RANBP3: variants seen among roughly 807,000 people sequenced by gnomAD.
RANBP3 encodes RAN binding protein 3.
RANBP3 carries 14 observed loss-of-function variants against 77.3 expected under a neutral mutation model. The observed-to-expected ratio is 0.18, with a 90% CI of 0.12 to 0.28. The LOEUF (loss-of-function observed/expected upper bound fraction) is 0.28, where lower values mean the gene tolerates loss of function less well. RANBP3 is among the 10% of genes least tolerant of loss of function. The pLI, the probability that RANBP3 is intolerant of heterozygous loss-of-function variation, is 1.00. For synonymous variants in RANBP3, 315 were observed against 312.4 expected (o/e 1.01, Z -0.09); for missense variants, 586 against 752.3 (o/e 0.78, Z 2.59).
At chr19:5,932,200 CCACA>C (rs1311180838) in intron 7 of RANBP3, among the ~76,000 whole-genome samples, 2 of 152,214 alleles carry the variant, frequency 1.3e-5, no homozygotes, top group Non-Finnish European at 2.9e-5. Flanking sequence ...CAGGTTTCAC[CCACA>C]CAGTCACACT....
Position 5,935,729 on chromosome 19 carries a change from C to T in RANBP3, c.407-2250G>A, listed in dbSNP as rs369746125. Reference sequence around the variant, plus strand: ...CAGAGCGTGGCCCTCTCCAGAGCTGCAGACAGACAAGGCGTGCTCCAGGGG... The same window carrying T: ...CAGAGCGTGGCCCTCTCCAGAGCTGTAGACAGACAAGGCGTGCTCCAGGGG... On this transcript the variant is annotated intron_variant, in intron 5 of 16. Coordinates refer to ENST00000340578, the MANE Select transcript of RANBP3 (RefSeq NM_007322.3). The T allele has an allele frequency of 9.8e-4, 448 of 456,772 alleles. 5 individuals are homozygous for T. Among genetic ancestry groups the T allele is most frequent in the South Asian group, 5.5e-3 (358 of 64,574 alleles). The allele number at this position is 456,772 out of a possible 1,614,324, so 28.3% of individuals were successfully genotyped here. A position where few individuals can be genotyped will look rare whatever the true frequency, so the allele number is the denominator to read the frequency against.
At chr19:5,928,498 C>T (rs1027616277) in intron 8 of RANBP3, 1 of 158,802 alleles carries the variant, frequency 6.3e-6, no homozygotes, top group Non-Finnish European at 1.4e-5. Flanking sequence ...GACATGCCCA[C>T]AATACATGGA....
chr19:5,921,333 T>C lies in RANBP3; in HGVS notation c.1210-12A>G. 6.2e-7 allele frequency: 1 copy of C among 1,612,738 alleles called. No homozygotes were observed. The highest frequency in any genetic ancestry group is 8.5e-7 in the Non-Finnish European group (1 of 1,179,464). On this transcript the variant is annotated splice_polypyrimidine_tract_variant and intron_variant, in intron 13 of 16. Transcript: ENST00000340578. The surrounding 1 kb of genome is among the most constrained non-coding windows in gnomAD (Gnocchi z 5.3). ...AGCTTGCACTGCATCTGGAACACAG[T>C]GGCCGCCGGTAAGCAGGGACCCCAG...
intron 2 of RANBP3, among the ~76,000 whole-genome samples, chr19:5,954,456 G>C (rs1438676142): frequency 2.0e-5 from 3 of 152,138 alleles, no homozygotes; most frequent in Non-Finnish European, 4.4e-5. Flanking sequence ...ATCCCTATGA[G>C]ACACCCGTGG....
chr19:5,918,387 A>AGGGGGGGGGGGCGGG, intron 15 of RANBP3, 109 bp downstream of exon 15: 1 of 529,918 alleles, frequency 1.9e-6, no homozygotes. Context: ...AAGCAACTGA[A>AGGGGGGGGGGGCGGG]GCCCCTCCCC....
At chr19:5,925,461 C>T in intron 10 of RANBP3, 173 bp downstream of exon 10, 1 of 629,384 alleles carries the variant, frequency 1.6e-6, no homozygotes, top group South Asian at 1.8e-5. Flanking sequence ...AGGCCCACCA[C>T]CCTGGCCCAC....
Position 5,917,774 on chromosome 19 carries a change from G to A in RANBP3, c.1660+20C>T. The A allele has an allele frequency of 6.3e-7, 1 of 1,599,806 alleles. No individual in the cohort carries two copies. Among genetic ancestry groups the A allele is most frequent in the Non-Finnish European group, 8.5e-7 (1 of 1,172,694 alleles). On this transcript the variant is annotated intron_variant, in intron 16 of 16. Transcript: ENST00000340578. The stretch of plus-strand genomic sequence containing the variant: ...GGCAGCTCTTTCTATCCCCCCCAGG[G>A]TAGGGACCACCCGACTCACCAGCTG...
rs79572756 is a variant in RANBP3 at position 5,920,082 on chromosome 19, C to A, written c.1330+1119G>T. Among the ~76,000 whole-genome samples, 870 of 152,254 alleles carry A rather than the reference C, an allele frequency of 5.7e-3. 4 individuals carry two copies. Among genetic ancestry groups the A allele is most frequent in the Non-Finnish European group, 8.9e-3 (608 of 68,012 alleles). Reference sequence around the variant, plus strand: ...CCATATTTATGAAAAGGCCAGAAGACACTTTGATTTGGGAAGATAAAACAA... The same window carrying A: ...CCATATTTATGAAAAGGCCAGAAGAAACTTTGATTTGGGAAGATAAAACAA... On this transcript the variant is annotated intron_variant, in intron 14 of 16. Coordinates refer to ENST00000340578, the MANE Select transcript of RANBP3 (RefSeq NM_007322.3).
At position 5,931,310 on chromosome 19, in the gene RANBP3, A is replaced by G. The variant is rs538166109; in HGVS notation, c.693+94T>C. Reference sequence around the variant, plus strand: ...ACGTGGAAACTGCTTGGAACAGGTGACAGCGTGTGGACTCCACAGCATGCT... The same window carrying G: ...ACGTGGAAACTGCTTGGAACAGGTGGCAGCGTGTGGACTCCACAGCATGCT... On this transcript the variant is annotated intron_variant, in intron 8 of 16. Transcript: ENST00000340578. 2.8e-6 allele frequency: 4 copies of G among 1,438,798 alleles called. No homozygotes were observed. In the East Asian group the frequency reaches 9.7e-5, roughly 35 times the overall value. 89.1% of individuals were successfully genotyped at this position (1,438,798 alleles called of 1,614,324 possible). A position where few individuals can be genotyped will look rare whatever the true frequency, so the allele number is the denominator to read the frequency against.
chr19:5,923,740 G>A, intron 12 of RANBP3, 72 bp downstream of exon 12: 2 of 1,253,148 alleles, frequency 1.6e-6, no homozygotes, highest in Non-Finnish European at 2.3e-6. Flanking sequence ...CCCGGCTGGG[G>A]GTGTGAATGG....
In RANBP3 at chr19:5,918,527, T is replaced by C; in HGVS notation, c.1442A>G (p.Glu481Gly). The C allele has an allele frequency of 1.2e-6, 2 of 1,611,992 alleles. No individual in the cohort carries two copies. Among genetic ancestry groups the C allele is most frequent in the Non-Finnish European group, 1.7e-6 (2 of 1,179,482 alleles). Residue 481 changes from glutamate (E) to glycine (G), a missense_variant, in exon 15 of 17, where the codon GAG becomes GGG. Physicochemically the swap from Glu to Gly is moderately conservative, Grantham distance 98. Around this residue, in one of 5 missense-constraint regions of RANBP3, gnomAD observed 128 missense variants for 157.0 expected, o/e 0.82. Transcript: ENST00000340578. ...CAGGAAGACCTTCACGCCCTGGTCCTCGGTGTCCATGGCTGTGATGCGAAT... is the reference window on the plus strand; with the variant it reads ...CAGGAAGACCTTCACGCCCTGGTCCCCGGTGTCCATGGCTGTGATGCGAAT... Reference protein sequence around the residue: ...KSIRITAMDTEDQGVKVFLIS... With the variant: ...KSIRITAMDTGDQGVKVFLIS...
chr19:5,949,026 CTAAAAGATGG>C (rs2058242869), intron 3 of RANBP3, among the ~76,000 whole-genome samples: 1 of 152,178 alleles, frequency 6.6e-6, no homozygotes, highest in African/African-American at 2.4e-5. Context: ...TCTGACGAGA[CTAAAAGATGG>C]TAAGGGCCCT....
intron 6 of RANBP3, chr19:5,932,782 T>C (rs2058011490): frequency 1.9e-6 from 1 of 538,156 alleles, no homozygotes; most frequent in Admixed American, 3.4e-5. Context: ...TTAATCCAGT[T>C]AGCACAGTAA....
At chr19:5,955,141 A>AT (rs1210633781) in intron 2 of RANBP3, among the ~76,000 whole-genome samples, 1 of 151,888 alleles carries the variant, frequency 6.6e-6, no homozygotes, top group Non-Finnish European at 1.5e-5. Context: ...TTTATTTTTA[A>AT]TTTTTTTTGA....
chr19:5,926,744 G>A (rs2057915521), intron 9 of RANBP3, among the ~76,000 whole-genome samples: 1 of 151,942 alleles, frequency 6.6e-6, no homozygotes. Context: ...GCCCTTCCCC[G>A]CCTCTTGCCC....
intron 7 of RANBP3, 113 bp downstream of exon 7, chr19:5,932,339 A>G: frequency 1.3e-6 from 1 of 795,850 alleles, no homozygotes; most frequent in Non-Finnish European, 2.1e-6. Flanking sequence ...ATCTCTCTGT[A>G]TTTCTGGTGC....
Position 5,941,784 on chromosome 19 carries a change from T to TA in RANBP3, c.319+14dup, listed in dbSNP as rs947908658. ...TAAAACTGAAGATGGTCAAAGGTGT[T>TA]AGAGAGCTCCTTACCTTCTCCGCCT... On this transcript the variant is annotated intron_variant, in intron 4 of 16. Coordinates refer to ENST00000340578, the MANE Select transcript of RANBP3 (RefSeq NM_007322.3). The TA allele has an allele frequency of 6.2e-7, 1 of 1,612,268 alleles. No individual in the cohort carries two copies. Among genetic ancestry groups the TA allele is most frequent in the South Asian group, 1.1e-5 (1 of 90,998 alleles).
At chr19:5,977,699 A>T (rs1467645201) in intron 1 of RANBP3, among the ~76,000 whole-genome samples, 1 of 152,208 alleles carries the variant, frequency 6.6e-6, no homozygotes, top group East Asian at 1.9e-4. Flanking sequence ...GCTCCGGGCC[A>T]CAACCAGGCC....
At chr19:5,974,416 A>G (rs2058564991) in intron 1 of RANBP3, 2 of 152,188 alleles carry the variant, frequency 1.3e-5, no homozygotes, top group South Asian at 4.1e-4. Flanking sequence ...ATGTCAGCCT[A>G]CAATGCAGCA....
Sources: gnomAD v4.1 joint callset for allele counts (sites outside exome capture counted in the v4.1 genomes callset) on GRCh38, gnomAD v4.1.1 for gene constraint, gnomAD v4.1.1 regional missense constraint, Gnocchi (gnomAD v3.1) non-coding constraint, MANE v1.5 for transcripts, NCBI Gene and HGNC (gene_info 2026-07-23, HGNC 2026-07-21) for gene names.